SLAMF9: variants seen among roughly 807,000 people sequenced by gnomAD.
SLAMF9 encodes the protein CD2 family member 10.
SLAMF9 carries 25 observed loss-of-function variants against 30.4 expected under a neutral mutation model. That is an observed-to-expected ratio of 0.82 (90% CI 0.60 to 1.15). SLAMF9 has a LOEUF of 1.15. Among genes scored for constraint, SLAMF9 ranks in the 50% most tolerant of loss-of-function variants. The pLI is 0.00. For missense variants in SLAMF9, 344 were observed against 346.1 expected, an observed-to-expected ratio of 0.99 and a Z score of 0.05; for synonymous variants, 129 against 127.2, an observed-to-expected ratio of 1.01 and a Z score of -0.09.
At chr1:159,972,181 C>T in the SLAMF9 span, among the ~76,000 whole-genome samples, 5 of 152,174 alleles carry the variant, frequency 3.3e-5, no homozygotes, top group South Asian at 2.1e-4. Context: ...CCTCTCTGTT[C>T]GTGCCCTGTG....
the SLAMF9 span, chr1:159,973,074 CCA>C: frequency 2.7e-6 from 4 of 1,480,228 alleles, no homozygotes; most frequent in South Asian, 4.1e-5. Flanking sequence ...CCAGTAAAGC[CCA>C]GAGTCTCCCT....
At chr1:159,972,891 C>G in the SLAMF9 span, 1 of 979,580 alleles carries the variant, frequency 1.0e-6, no homozygotes, top group South Asian at 3.3e-5. Flanking sequence ...AAGACCCTGG[C>G]TCCCTCCTCT....
the SLAMF9 span, among the ~76,000 whole-genome samples, chr1:159,959,836 T>C: frequency 3.3e-5 from 5 of 152,066 alleles, no homozygotes; most frequent in Non-Finnish European, 5.9e-5. Flanking sequence ...TTGACTCCCA[T>C]TGTACGTTCC....
the SLAMF9 span, among the ~76,000 whole-genome samples, chr1:159,969,974 C>CG: frequency 6.6e-6 from 1 of 151,952 alleles, no homozygotes; most frequent in Non-Finnish European, 1.5e-5. Flanking sequence ...CGCTTGAGCC[C>CG]GGGGGTGAAG....
Position 159,953,475 on chromosome 1 carries a change from GA to G in SLAMF9, c.224del (p.Ile75ThrfsTer3). 7 of 1,614,208 alleles carry G rather than the reference GA, an allele frequency of 4.3e-6. No individual in the cohort carries two copies. The highest frequency in any genetic ancestry group is 5.9e-6 in the Non-Finnish European group (7 of 1,180,030). Reference protein sequence around the residue: ...VPGKEGHPATIMVTNPHYQGQ... With the variant: ...VPGKEGHPATXMVTNPHYQGQ... The stretch of plus-strand genomic sequence containing the variant: ...CCTGGTAGTGTGGATTGGTCACCAT[GA>G]TGGTAGCTGGATGTCCCTCTTTCCC... On this transcript the variant is annotated frameshift_variant, in exon 2 of 4. Coordinates refer to ENST00000368093, the MANE Select transcript of SLAMF9 (RefSeq NM_033438.4). LOFTEE classifies it high-confidence loss of function.
the SLAMF9 span, among the ~76,000 whole-genome samples, chr1:159,981,186 T>C: frequency 5.5e-4 from 83 of 152,246 alleles, no homozygotes; most frequent in Non-Finnish European, 1.0e-3. Context: ...TCCATTCTGA[T>C]TGGTGTCCTT....
chr1:159,968,285 CT>C, the SLAMF9 span, among the ~76,000 whole-genome samples: 1 of 152,148 alleles, frequency 6.6e-6, no homozygotes, highest in Non-Finnish European at 1.5e-5. Context: ...CATACTTACT[CT>C]TTTGAGAACT....
the SLAMF9 span, among the ~76,000 whole-genome samples, chr1:159,977,929 A>AG: frequency 6.6e-6 from 1 of 152,056 alleles, no homozygotes; most frequent in African/African-American, 2.4e-5. Context: ...GGGAAAAGGG[A>AG]GGGGGTGAGA....
Position 159,952,385 on chromosome 1 carries a change from C to T in SLAMF9, c.541G>A (p.Glu181Lys), listed in dbSNP as rs34884993. Reference sequence around the variant, plus strand: ...CAGGATGTGCTGAGGACAGGGCCTTCATGGAATGTATAAGTGCTATCCCCC... The same window carrying T: ...CAGGATGTGCTGAGGACAGGGCCTTTATGGAATGTATAAGTGCTATCCCCC... ...SRGDSTYTFH[E>K]GPVLSTSWRP... Residue 181 changes from glutamate (E) to lysine (K), a missense_variant, in exon 3 of 4, where the codon GAA becomes AAA. Transcript: ENST00000368093. The T allele has an allele frequency of 3.4e-3, 5,537 of 1,614,036 alleles. 132 individuals are homozygous for T. The African/African-American group carries it at 0.06, about 17-fold the overall frequency.
the SLAMF9 span, among the ~76,000 whole-genome samples, chr1:159,979,811 G>A: frequency 1.3e-4 from 20 of 152,302 alleles, no homozygotes; most frequent in East Asian, 2.5e-3. Context: ...GACACAAAGC[G>A]AAGTGTCAGG....
At chr1:159,977,002 GAAA>G in the SLAMF9 span, 1 of 106,976 alleles carries the variant, frequency 9.3e-6, no homozygotes, top group Non-Finnish European at 2.1e-5. Context: ...AAGAAAGAAA[GAAA>G]GAGAAAGAAA....
chr1:159,973,127 G>A, the SLAMF9 span: 5 of 1,535,456 alleles, frequency 3.3e-6, no homozygotes, highest in Admixed American at 1.7e-5. Context: ...GGGGGCCCCT[G>A]TCCTGCAAGG....
chr1:159,973,326 A>T, the SLAMF9 span: 3 of 605,324 alleles, frequency 5.0e-6, no homozygotes, highest in Non-Finnish European at 5.9e-6. Flanking sequence ...GTCCTGGATG[A>T]TAAAGCCCCA....
the SLAMF9 span, chr1:159,973,173 C>A: frequency 5.9e-6 from 9 of 1,527,640 alleles, no homozygotes; most frequent in African/African-American, 8.2e-5. Flanking sequence ...AAGGAGCCTC[C>A]AGGCTGACCT....
the SLAMF9 span, among the ~76,000 whole-genome samples, chr1:159,975,928 T>C: frequency 1.3e-5 from 2 of 152,228 alleles, no homozygotes; most frequent in South Asian, 2.1e-4. Context: ...GTTCTTGGCA[T>C]GGCCAGGTGG....
At chr1:159,968,913 G>A in the SLAMF9 span, among the ~76,000 whole-genome samples, 1 of 152,080 alleles carries the variant, frequency 6.6e-6, no homozygotes, top group East Asian at 1.9e-4. Context: ...TCAGCCAGGT[G>A]TAGTGGCAGG....
chr1:159,967,905 CTTG>C, the SLAMF9 span, among the ~76,000 whole-genome samples: 1 of 151,954 alleles, frequency 6.6e-6, no homozygotes, highest in African/African-American at 2.4e-5. Flanking sequence ...TTTTGGATAG[CTTG>C]TTATTAACAT....
chr1:159,957,391 C>T (rs992698028), upstream of SLAMF9, among the ~76,000 whole-genome samples: 2 of 151,994 alleles, frequency 1.3e-5, no homozygotes, highest in African/African-American at 2.4e-5. Flanking sequence ...TTTGGGAGGC[C>T]GAAGCGGGTG....
chr1:159,976,947 A>AGAAG, the SLAMF9 span: 1 of 5,432 alleles, frequency 1.8e-4, no homozygotes, highest in African/African-American at 2.6e-4. Flanking sequence ...AAAGAAAGAA[A>AGAAG]GAAAGAAAGA....
Sources: allele counts gnomAD v4.1 joint callset (sites outside exome capture counted in the v4.1 genomes callset), GRCh38; gene constraint gnomAD v4.1.1; transcripts MANE v1.5; gene names NCBI Gene and HGNC (gene_info 2026-07-23, HGNC 2026-07-21).